The following UBAP2L variants were observed in gnomAD, a reference collection of about 807,000 sequenced individuals.
UBAP2L encodes ubiquitin-associated protein 2-like.
A neutral mutation model predicts 130.6 loss-of-function variants in UBAP2L; 12 were observed. That is an observed-to-expected ratio of 0.09 (90% CI 0.06 to 0.15). The LOEUF is 0.15. Ranked by LOEUF, UBAP2L falls within the 10% of genes least tolerant of loss-of-function variation. The probability of loss-of-function intolerance (pLI) is 1.00; values close to 1 mark genes in which losing one functional copy is unlikely to be tolerated. For missense variants in UBAP2L, 965 were observed against 1,332.5 expected, an observed-to-expected ratio of 0.72 and a Z score of 4.29; for synonymous variants, 503 against 524.7, an observed-to-expected ratio of 0.96 and a Z score of 0.57.
At chr1:154,228,766 T>A (rs1282859879) in intron 4 of UBAP2L, 41 bp downstream of exon 4, 2 of 1,465,202 alleles carry the variant, frequency 1.4e-6, no homozygotes, top group East Asian at 4.6e-5. Flanking sequence ...GGGTCCTCAA[T>A]TGGGAGGCTA....
chr1:154,234,703 G>T lies in UBAP2L; in HGVS notation c.392G>T (p.Ser131Ile). The part of the protein sequence containing the change: ...KENRDRDRDY[S>I]RRRGGPPRRG... ...AATCGAGACCGGGACAGAGACTATA[G>T]TCGGCGACGTGGTGGGCCACCAAGA... Residue 131 changes from serine to isoleucine, a missense_variant, in exon 5 of 27, where the codon AGT (serine) becomes ATT (isoleucine). By Grantham distance (142) the Ser-to-Ile change is moderately radical (BLOSUM62 -2). Transcript: ENST00000428931. 6.2e-7 allele frequency: 1 copy of T among 1,613,044 alleles called. No homozygotes were observed. Among genetic ancestry groups the T allele is most frequent in the Non-Finnish European group, 8.5e-7 (1 of 1,179,558 alleles).
upstream of UBAP2L, chr1:154,220,712 G>A: frequency 2.3e-6 from 1 of 430,940 alleles, no homozygotes; most frequent in East Asian, 4.4e-5. Flanking sequence ...CGTGCGTCAC[G>A]TGGTGGAGGC....
intron 11 of UBAP2L, among the ~76,000 whole-genome samples, chr1:154,248,709 G>A (rs925039051): frequency 1.5e-4 from 23 of 152,038 alleles, no homozygotes; most frequent in Non-Finnish European, 2.6e-4. Flanking sequence ...CCAGCTACTC[G>A]GGAGGCTGAG....
intron 13 of UBAP2L, 70 bp downstream of exon 13, chr1:154,251,388 G>A (rs943299531): frequency 1.3e-5 from 21 of 1,576,110 alleles, no homozygotes; most frequent in Non-Finnish European, 1.8e-5. Flanking sequence ...AGATTAAAAG[G>A]GTAAGTTTGG....
At chr1:154,233,472 G>A (rs185285082) in intron 4 of UBAP2L, among the ~76,000 whole-genome samples, 33 of 151,614 alleles carry the variant, frequency 2.2e-4, no homozygotes, top group Admixed American at 6.6e-4. Flanking sequence ...TTACAGGTGC[G>A]CACCACCACA....
chr1:154,220,681 T>C (rs1264680275), upstream of UBAP2L: 2 of 496,554 alleles, frequency 4.0e-6, no homozygotes, highest in Non-Finnish European at 7.3e-6. Flanking sequence ...ACTACGACAG[T>C]AAGAGGAAGC....
At chr1:154,246,129 TA>T in intron 10 of UBAP2L, 74 bp from the exon 11 acceptor site, 1 of 1,489,966 alleles carries the variant, frequency 6.7e-7, no homozygotes, top group Admixed American at 2.0e-5. Flanking sequence ...CATTTTGATC[TA>T]ATCTGATTTG....
chr1:154,271,204 G>C (rs1684665356), downstream of UBAP2L: 1 of 382,382 alleles, frequency 2.6e-6, no homozygotes, highest in African/African-American at 2.1e-5. Flanking sequence ...TCAAGAAGGA[G>C]CTGAGACCAT....
chr1:154,244,866 GC>G (rs1674840336), intron 10 of UBAP2L, among the ~76,000 whole-genome samples: 1 of 126,238 alleles, frequency 7.9e-6, no homozygotes, highest in South Asian at 2.6e-4. Context: ...GGACTTAATA[GC>G]CACCTCGCCT....
chr1:154,256,092 A>G (rs1679547384), intron 18 of UBAP2L, among the ~76,000 whole-genome samples: 2 of 152,226 alleles, frequency 1.3e-5, no homozygotes, highest in Non-Finnish European at 2.9e-5. Flanking sequence ...GGTCTTGGGT[A>G]TGCCCAAGTT....
In UBAP2L at chr1:154,253,892, A is replaced by C; in HGVS notation, c.1665-8A>C. On this transcript the variant is annotated splice_polypyrimidine_tract_variant and splice_region_variant and intron_variant, in intron 14 of 26. Transcript: ENST00000428931. ...TTTCTCTGAGATTTTTCTCTTCGTT[A>C]CTCACAGTGAATCATCCTCTACAAT... 1 of 1,613,292 alleles carries C rather than the reference A, an allele frequency of 6.2e-7. No homozygotes were observed. Among genetic ancestry groups the C allele is most frequent in the Non-Finnish European group, 8.5e-7 (1 of 1,179,806 alleles).
intron 1 of UBAP2L, among the ~76,000 whole-genome samples, chr1:154,222,608 A>T (rs1452459625): frequency 6.6e-6 from 1 of 152,184 alleles, no homozygotes; most frequent in Non-Finnish European, 1.5e-5. Context: ...GGGGAAGGGG[A>T]TGCAGGGGCC....
intron 25 of UBAP2L, among the ~76,000 whole-genome samples, chr1:154,268,538 G>C (rs1684031029): frequency 6.6e-6 from 1 of 152,130 alleles, no homozygotes; most frequent in East Asian, 1.9e-4. Flanking sequence ...TTATATCTGA[G>C]GAAACTGAGG....
chr1:154,262,535 A>T (rs1362083729), intron 24 of UBAP2L, among the ~76,000 whole-genome samples: 1 of 152,172 alleles, frequency 6.6e-6, no homozygotes, highest in East Asian at 1.9e-4. Flanking sequence ...GTTGTCCTTC[A>T]AAGCTGTCAG....
At chr1:154,261,723 G>A (rs750986032) in intron 24 of UBAP2L, 26 bp downstream of exon 24, 65 of 1,607,592 alleles carry the variant, frequency 4.0e-5, no homozygotes, top group Non-Finnish European at 5.5e-5. Context: ...CTCTGGCTCG[G>A]TGTTATCTGT....
intron 2 of UBAP2L, among the ~76,000 whole-genome samples, chr1:154,226,530 T>G (rs972262073): frequency 1.3e-5 from 2 of 152,212 alleles, no homozygotes; most frequent in Non-Finnish European, 2.9e-5. Context: ...TAATACTTAG[T>G]TGGGGCAGTA....
At chr1:154,249,934 AATT>A (rs1305989341) in intron 12 of UBAP2L, among the ~76,000 whole-genome samples, 4 of 151,518 alleles carry the variant, frequency 2.6e-5, no homozygotes, top group Non-Finnish European at 5.9e-5. Context: ...TTGGGGTTTT[AATT>A]ATTATTATTA....
intron 4 of UBAP2L, 124 bp from the exon 5 acceptor site, chr1:154,234,467 G>T: frequency 1.1e-6 from 1 of 925,618 alleles, no homozygotes; most frequent in Non-Finnish European, 1.7e-6. Context: ...CAAACTAATG[G>T]AAGTGTTTTA....
intron 15 of UBAP2L, 22 bp from the exon 16 acceptor site, chr1:154,254,813 TC>T: frequency 6.4e-7 from 1 of 1,552,340 alleles, no homozygotes; most frequent in Non-Finnish European, 8.6e-7. Flanking sequence ...TTCTTGCTCT[TC>T]TGTTTTTTTT....
Sources: allele counts gnomAD v4.1 joint callset (sites outside exome capture counted in the v4.1 genomes callset), GRCh38; gene constraint gnomAD v4.1.1; transcripts MANE v1.5; gene names NCBI Gene and HGNC (gene_info 2026-07-23, HGNC 2026-07-21).